FAT1: variants seen among roughly 807,000 people sequenced by gnomAD.
FAT1 encodes protocadherin Fat 1.
A neutral mutation model predicts 329.8 loss-of-function variants in FAT1; 171 were observed. The observed-to-expected ratio is 0.52, with a 90% CI of 0.46 to 0.59. The LOEUF is 0.59. Ranked by LOEUF, FAT1 falls within the 20% of genes least tolerant of loss-of-function variation. FAT1 has a pLI of 0.00. For synonymous variants in FAT1, 2,233 were observed against 2,228.6 expected, an observed-to-expected ratio of 1.00 and a Z score of -0.06; for missense variants, 5,672 against 5,774.4, an observed-to-expected ratio of 0.98 and a Z score of 0.57.
In FAT1 at chr4:186,611,429, T is replaced by G. The variant is rs2126466648; in HGVS notation, c.9810A>C (p.Ile3270=). ...EANAEITYSI[I]SGNEHGKFSI... ...TGAATTTCCCATGTTCATTTCCACT[T>G]ATTATTGAGTAGGTGATTTCTGCAT... The change falls in exon 14 of 27, where the codon ATA becomes ATC. Residue 3270 remains isoleucine (I), a synonymous_variant. Coordinates refer to ENST00000441802, the MANE Select transcript of FAT1 (RefSeq NM_005245.4). 6.2e-7 allele frequency: 1 copy of G among 1,613,806 alleles called. No homozygotes were observed.
intron 3 of FAT1, among the ~76,000 whole-genome samples, chr4:186,644,854 A>C (rs1741282463): frequency 6.6e-6 from 1 of 152,236 alleles, no homozygotes; most frequent in South Asian, 2.1e-4. Context: ...AGCTGGAGCG[A>C]TGAATGCATT....
chr4:186,605,935 T>G, intron 17 of FAT1, 135 bp downstream of exon 17: 1 of 782,640 alleles, frequency 1.3e-6, no homozygotes, highest in South Asian at 1.8e-5. Context: ...CTTTTAATAC[T>G]GATAGCGACT....
At position 186,603,514 on chromosome 4, in the gene FAT1, A is replaced by G. The variant is rs2126429355; in HGVS notation, c.11012T>C (p.Leu3671Pro). 2 of 1,614,028 alleles carry G rather than the reference A, an allele frequency of 1.2e-6. No individual in the cohort carries two copies. The highest frequency in any genetic ancestry group is 1.7e-6 in the Non-Finnish European group (2 of 1,179,894). The change falls in exon 19 of 27, where the codon CTG becomes CCG. Residue 3671 changes from leucine to proline, a missense_variant. Transcript: ENST00000441802. ...CTGTATGTCGTTCCTCCTCACACCC[A>G]GGATGTTCCGTAAAGCTCGCTGGAA... The part of the protein sequence containing the change: ...RNFQRALRNI[L>P]GVRRNDIQIV...
chr4:186,632,600 A>G (rs1740647463), intron 7 of FAT1, among the ~76,000 whole-genome samples: 1 of 152,220 alleles, frequency 6.6e-6, no homozygotes, highest in Non-Finnish European at 1.5e-5. Flanking sequence ...TGACCCCAAA[A>G]GCATATAACA....
At position 186,597,006 on chromosome 4, in the gene FAT1, C is replaced by T. The variant is rs768737467; in HGVS notation, c.12534G>A (p.Gly4178=). Residue 4178 remains glycine (G), a synonymous_variant, in exon 25 of 27, where the codon GGG becomes GGA. Transcript: ENST00000441802. ...NQYVSTPWNI[G]LAEGIGIVVF... ...CAACGATTCCAATTCCTTCCGCCAA[C>T]CCAATGTTCCACGGCGTGGACACAT... The T allele has an allele frequency of 2.5e-6, 4 of 1,614,024 alleles. No individual in the cohort carries two copies. The highest frequency in any genetic ancestry group is 3.4e-6 in the Non-Finnish European group (4 of 1,179,902).
intron 2 of FAT1, among the ~76,000 whole-genome samples, chr4:186,704,311 T>C (rs2126678612): frequency 6.6e-6 from 1 of 152,288 alleles, no homozygotes; most frequent in Non-Finnish European, 1.5e-5. Flanking sequence ...ACCATAAATC[T>C]ATTTTGGGAC....
intron 2 of FAT1, 138 bp from the exon 3 acceptor site, chr4:186,663,751 C>T (rs1264024051): frequency 1.6e-6 from 1 of 632,748 alleles, no homozygotes; most frequent in African/African-American, 1.8e-5. Context: ...GGTTAACCAG[C>T]CTTTCTGTGA....
chr4:186,620,293 T>C lies in FAT1; in HGVS notation c.6293A>G (p.His2098Arg), dbSNP rs1739970189. 3 of 1,613,996 alleles carry C rather than the reference T, an allele frequency of 1.9e-6. No homozygotes were observed. Among genetic ancestry groups the C allele is most frequent in the African/African-American group, 1.3e-5 (1 of 75,056 alleles). The change falls in exon 10 of 27, where the codon CAT becomes CGT. Residue 2098 changes from histidine to arginine, a missense_variant. By Grantham distance (29) the His-to-Arg change is conservative. This residue lies in a region of FAT1 where 3,966 missense variants were observed against 3,915.2 expected (regional missense o/e 1.01). Transcript: ENST00000441802. ...AVVKVDTEVGHVIRYVTAVDR... is the reference protein window; with the variant it reads ...AVVKVDTEVGRVIRYVTAVDR... ...TACAGCAGTGACATAGCGAATGACA[T>C]GGCCCACCTCAGTGTCCACTTTAAC...
At position 186,709,393 on chromosome 4, in the gene FAT1, C is replaced by T. The variant is rs1744834948; in HGVS notation, c.435G>A (p.Leu145=). ...VRVQVLDTND[L]RPLFSPTSYS... is the part of the protein sequence containing the mutation. ...ATGAGGTGGGTGAGAATAACGGTCT[C>T]AAGTCATTTGTATCCAGCACCTGCA... Residue 145 remains leucine, a synonymous_variant, in exon 2 of 27, where the codon TTG becomes TTA. Coordinates refer to ENST00000441802, the MANE Select transcript of FAT1 (RefSeq NM_005245.4). The T allele has an allele frequency of 6.2e-7, 1 of 1,613,824 alleles. No homozygotes were observed. The highest frequency in any genetic ancestry group is 1.3e-5 in the African/African-American group (1 of 74,890).
intron 2 of FAT1, among the ~76,000 whole-genome samples, chr4:186,684,372 T>C (rs1250624098): frequency 1.3e-5 from 2 of 152,156 alleles, no homozygotes; most frequent in Admixed American, 6.5e-5. Flanking sequence ...GGGGATGCTT[T>C]AGAAGGGCCA....
At chr4:186,606,594 C>G (rs1442708707) in intron 16 of FAT1, among the ~76,000 whole-genome samples, 3 of 152,136 alleles carry the variant, frequency 2.0e-5, no homozygotes, top group African/African-American at 7.2e-5. Context: ...CTTAGGGCCC[C>G]AAGTTTGCTC....
chr4:186,614,976 C>A (rs1326726666), intron 11 of FAT1, among the ~76,000 whole-genome samples: 1 of 115,300 alleles, frequency 8.7e-6, no homozygotes, highest in Non-Finnish European at 1.7e-5. Flanking sequence ...TTTAGAAATC[C>A]ATGCCATAAA....
At chr4:186,692,931 C>G (rs889722193) in intron 2 of FAT1, among the ~76,000 whole-genome samples, 1 of 152,162 alleles carries the variant, frequency 6.6e-6, no homozygotes, top group Non-Finnish European at 1.5e-5. Context: ...TTTAGAAACA[C>G]GATAACTGGA....
At chr4:186,607,685 C>T (rs1388638757) in intron 16 of FAT1, among the ~76,000 whole-genome samples, 3 of 145,374 alleles carry the variant, frequency 2.1e-5, no homozygotes, top group East Asian at 2.1e-4. Context: ...GTGGACAGGT[C>T]GGTGGGTGGA....
intron 26 of FAT1, chr4:186,592,719 G>A (rs906250827): frequency 2.2e-6 from 1 of 456,576 alleles, no homozygotes; most frequent in Non-Finnish European, 4.4e-6. Flanking sequence ...GTCAACCACA[G>A]CATTGACAAG....
chr4:186,613,072 G>A (rs1739527297), intron 13 of FAT1, 37 bp downstream of exon 13: 1 of 1,438,542 alleles, frequency 7.0e-7, no homozygotes, highest in South Asian at 1.2e-5. Context: ...TAGGATCTCA[G>A]TGAGCAGCGT....
chr4:186,623,522 C>A (rs570080390), intron 9 of FAT1, among the ~76,000 whole-genome samples: 1 of 152,322 alleles, frequency 6.6e-6, no homozygotes, highest in Admixed American at 6.5e-5. Flanking sequence ...TCTTCTATAT[C>A]CACTTCTCTC....
At position 186,618,751 on chromosome 4, in the gene FAT1, C is replaced by A; in HGVS notation, c.7835G>T (p.Gly2612Val). 6.2e-7 allele frequency: 1 copy of A among 1,613,988 alleles called. No homozygotes were observed. Among genetic ancestry groups the A allele is most frequent in the Non-Finnish European group, 8.5e-7 (1 of 1,179,886 alleles). ...EVNIGSSAAK[G>V]TSVVKVLASD... is the part of the protein sequence containing the mutation. ...TGCAAGAACTTTAACGACTGAAGTC[C>A]CTTTAGCAGCACTGGACCCGATATT... Residue 2612 changes from glycine (G) to valine (V), a missense_variant, in exon 10 of 27, where the codon GGG becomes GTG. Transcript: ENST00000441802.
At chr4:186,612,061 G>A (rs999159687) in intron 13 of FAT1, among the ~76,000 whole-genome samples, 2 of 150,822 alleles carry the variant, frequency 1.3e-5, no homozygotes, top group Non-Finnish European at 2.9e-5. Context: ...CACCCGCCTC[G>A]GCCTCCCAAA....
Sources: gnomAD v4.1 joint callset for allele counts (sites outside exome capture counted in the v4.1 genomes callset) on GRCh38, gnomAD v4.1.1 for gene constraint, gnomAD v4.1.1 regional missense constraint, MANE v1.5 for transcripts, NCBI Gene and HGNC (gene_info 2026-07-23, HGNC 2026-07-21) for gene names.